The following COL4A6 variants were observed in gnomAD, a reference collection of about 807,000 sequenced individuals.
The protein encoded by COL4A6 is collagen alpha-6(IV) chain.
COL4A6 carries 59 observed loss-of-function variants against 126.7 expected under a neutral mutation model. The observed-to-expected ratio is 0.47, with a 90% CI of 0.38 to 0.58. COL4A6 has a LOEUF of 0.58. Ranked by LOEUF, COL4A6 falls within the 20% of genes least tolerant of loss-of-function variation. The probability of loss-of-function intolerance (pLI) is 0.00; values close to 1 mark genes in which losing one functional copy is unlikely to be tolerated. For missense variants in COL4A6, 1,285 were observed against 1,337.3 expected (o/e 0.96, Z 0.61); for synonymous variants, 547 against 496.6 (o/e 1.10, Z -1.35).
chrX:108,382,119 C>G (rs1053384450), intron 2 of COL4A6, among the ~76,000 whole-genome samples: 11 of 112,056 alleles, frequency 9.8e-5, no homozygotes, highest in African/African-American at 3.6e-4. Context: ...TCCAATTCAG[C>G]AGGCAGAGTT....
intron 2 of COL4A6, among the ~76,000 whole-genome samples, chrX:108,422,204 A>T (rs1190043122): frequency 9.1e-6 from 1 of 110,016 alleles, no homozygotes; most frequent in East Asian, 2.9e-4. Context: ...TTCTACAAAA[A>T]ATTTTTAAAA....
At chrX:108,281,617 A>G (rs1363407577) in intron 3 of COL4A6, among the ~76,000 whole-genome samples, 1 of 111,684 alleles carries the variant, frequency 9.0e-6, no homozygotes, top group Non-Finnish European at 1.9e-5. Flanking sequence ...GCTACCAACG[A>G]CTTTCTTCAC....
At position 108,291,767 on chromosome X, in the gene COL4A6, C is replaced by T. The variant is rs905289753; in HGVS notation, c.144+18981G>A. 1.1e-4 allele frequency among the ~76,000 whole-genome samples: 12 copies of T among 111,901 alleles called. No homozygotes were observed. In the East Asian group the frequency reaches 1.1e-3, roughly 10 times the overall value. On this transcript the variant is annotated intron_variant, in intron 3 of 44. Transcript: ENST00000334504. ...TTAATTTTAGAGACACATTTGGAAA[C>T]GCTTTAAACAATATCTGGGTGAATG...
intron 3 of COL4A6, among the ~76,000 whole-genome samples, chrX:108,263,254 T>G (rs1227689837): frequency 1.8e-5 from 2 of 111,851 alleles, no homozygotes; most frequent in Admixed American, 9.5e-5. Flanking sequence ...CCAGTGATTC[T>G]CAGTTTTACC....
Position 108,414,619 on chromosome X carries a change from CA to C in COL4A6, c.63+23322del, listed in dbSNP as rs35601117. Reference sequence around the variant, plus strand: ...ACATAGCGAGACCCTGCCTCTCTCTCAAAAAAAAAAAAAAAAAGAAGAAGAA... The same window carrying C: ...ACATAGCGAGACCCTGCCTCTCTCTCAAAAAAAAAAAAAAAAGAAGAAGAA... On this transcript the variant is annotated intron_variant, in intron 2 of 44. Transcript: ENST00000334504. Among the ~76,000 whole-genome samples, 461 of 77,418 alleles carry C rather than the reference CA, an allele frequency of 6.0e-3. 2 individuals carry two copies. Among genetic ancestry groups the C allele is most frequent in the African/African-American group, 0.02 (406 of 20,712 alleles). The allele number at this position is 77,418 out of a possible 115,157, so 67.2% of individuals were successfully genotyped here. A position where few individuals can be genotyped will look rare whatever the true frequency, so the allele number is the denominator to read the frequency against.
intron 2 of COL4A6, among the ~76,000 whole-genome samples, chrX:108,324,611 A>T (rs56337246): frequency 0.3 from 33,675 of 111,064 alleles, 4,920 homozygotes; most frequent in Non-Finnish European, 0.44. Flanking sequence ...CCAAATTAGT[A>T]TATGTTCCAT....
chrX:108,236,986 T>C (rs1236889200), intron 3 of COL4A6, among the ~76,000 whole-genome samples: 1 of 111,847 alleles, frequency 8.9e-6, no homozygotes, highest in African/African-American at 3.3e-5. Flanking sequence ...GTCTCTCTCA[T>C]GGTGACTTCA....
At chrX:108,305,485 T>G (rs1015182075) in intron 3 of COL4A6, among the ~76,000 whole-genome samples, 1 of 111,595 alleles carries the variant, frequency 9.0e-6, no homozygotes, top group African/African-American at 3.3e-5. Flanking sequence ...TTGAAGGACT[T>G]TAAGCAAGAG....
chrX:108,392,275 A>G (rs2040854877), intron 2 of COL4A6, among the ~76,000 whole-genome samples: 1 of 111,704 alleles, frequency 9.0e-6, no homozygotes, highest in Admixed American at 9.5e-5. Context: ...TTTTATTATA[A>G]TTAAACATTT....
At position 108,164,928 on chromosome X, in the gene COL4A6, C is replaced by G. The variant is rs753586099; in HGVS notation, c.3919G>C (p.Asp1307His). 51 of 1,206,337 alleles carry G rather than the reference C, an allele frequency of 4.2e-5. No individual in the cohort carries two copies. The South Asian group carries it at 5.3e-4, about 13-fold the overall frequency. Residue 1307 changes from aspartate to histidine, a missense_variant, in exon 39 of 45, where the codon GAC (aspartate) becomes CAC (histidine). Asp to His is a moderately conservative substitution (Grantham distance 81, BLOSUM62 -1). Transcript: ENST00000334504. Reference sequence around the variant, plus strand: ...CCAGAAAAACCTGGAATTCCTTGGTCTCCCTTAGGCCCTTTAGGTCCAGGA... The same window carrying G: ...CCAGAAAAACCTGGAATTCCTTGGTGTCCCTTAGGCCCTTTAGGTCCAGGA... The part of the protein sequence containing the change: ...GIPGPKGPKG[D>H]QGIPGFSGLP...
intron 3 of COL4A6, among the ~76,000 whole-genome samples, chrX:108,227,556 TG>T (rs2036203009): frequency 1.1e-5 from 1 of 94,740 alleles, no homozygotes; most frequent in Non-Finnish European, 2.1e-5. Context: ...TGGGGCAGGG[TG>T]GGGGGGCTTT....
At chrX:108,175,044 G>T (rs753001231) in intron 30 of COL4A6, 46 bp downstream of exon 30, 1 of 1,131,734 alleles carries the variant, frequency 8.8e-7, no homozygotes, top group South Asian at 2.3e-5. Flanking sequence ...GTTTGGTTAT[G>T]AAGCCTCTCT....
At chrX:108,375,759 T>A (rs2040421667) in intron 2 of COL4A6, among the ~76,000 whole-genome samples, 2 of 109,573 alleles carry the variant, frequency 1.8e-5, no homozygotes, top group African/African-American at 6.7e-5. Context: ...ATAATCTCCG[T>A]TTTGATAAAC....
At position 108,320,392 on chromosome X, in the gene COL4A6, TG is replaced by T. The variant is rs758065914; in HGVS notation, c.64-9565del. On this transcript the variant is annotated intron_variant, in intron 2 of 44. Coordinates refer to ENST00000334504, the MANE Select transcript of COL4A6 (RefSeq NM_033641.4). ...AGGAAGAGTTGGATTTAATCAAGGT[TG>T]GGGTCTGCTAGGTGAGGATGATAAA... 8.1e-5 allele frequency among the ~76,000 whole-genome samples: 9 copies of T among 111,189 alleles called. No homozygotes were observed. In the Admixed American group the frequency reaches 8.6e-4, roughly 11 times the overall value.
chrX:108,169,494 C>T lies in COL4A6; in HGVS notation c.3691+1G>A, dbSNP rs1400224984. 4.1e-6 allele frequency: 5 copies of T among 1,211,426 alleles called. No homozygotes were observed. Among genetic ancestry groups the T allele is most frequent in the Non-Finnish European group, 4.5e-6 (4 of 895,311 alleles). On this transcript the variant is annotated splice_donor_variant, in intron 37 of 44. Transcript: ENST00000334504. LOFTEE classifies it high-confidence loss of function. The stretch of plus-strand genomic sequence containing the variant: ...CTCTACAAGGCCTGACTTGGACTCA[C>T]CTCGATCACCTTTTTGCCCTCTCAG...
chrX:108,182,039 A>G (rs907985152), intron 23 of COL4A6, among the ~76,000 whole-genome samples: 1 of 112,019 alleles, frequency 8.9e-6, no homozygotes, highest in Non-Finnish European at 1.9e-5. Context: ...TCCCACTTCT[A>G]TTTTCTTAAA....
At chrX:108,193,527 A>G in intron 17 of COL4A6, 101 bp downstream of exon 17, 1 of 710,191 alleles carries the variant, frequency 1.4e-6, no homozygotes, top group East Asian at 3.3e-5. Flanking sequence ...CAAGTTTAGC[A>G]ACAATCGAGT....
At chrX:108,404,210 C>T (rs940736260) in intron 2 of COL4A6, among the ~76,000 whole-genome samples, 1 of 111,943 alleles carries the variant, frequency 8.9e-6, no homozygotes, top group Non-Finnish European at 1.9e-5. Context: ...CAGACTAAGA[C>T]ATATTATTTT....
intron 23 of COL4A6, among the ~76,000 whole-genome samples, chrX:108,183,025 C>G (rs1281482161): frequency 8.9e-6 from 1 of 112,276 alleles, no homozygotes; most frequent in African/African-American, 3.2e-5. Context: ...ACATATTTCT[C>G]TCAATAATTT....
Sources: gnomAD v4.1 joint callset for allele counts (sites outside exome capture counted in the v4.1 genomes callset) on GRCh38, gnomAD v4.1.1 for gene constraint, MANE v1.5 for transcripts, NCBI Gene and HGNC (gene_info 2026-07-23, HGNC 2026-07-21) for gene names.